The following AGBL1 variants were observed in gnomAD, a reference collection of about 807,000 sequenced individuals.
AGBL1 encodes cytosolic carboxypeptidase 4.
A neutral mutation model predicts 118.9 loss-of-function variants in AGBL1; 130 were observed. The ratio of observed to expected loss-of-function variants is 1.09; its 90% CI spans 0.95 to 1.26. AGBL1 has a LOEUF of 1.26. AGBL1 is among the 50% of genes most tolerant of loss of function. The pLI is 0.00. For missense variants in AGBL1, 1,584 were observed against 1,298.1 expected (o/e 1.22, Z -3.38); for synonymous variants, 555 against 478.9 (o/e 1.16, Z -2.08).
At chr15:86,317,235 C>T (rs2080026584) in intron 17 of AGBL1, 1 of 152,168 alleles carries the variant, frequency 6.6e-6, no homozygotes, top group Admixed American at 6.5e-5. Flanking sequence ...TCATCTGTTT[C>T]CATAGCAACC....
At chr15:86,402,083 A>G (rs1047250537) in intron 18 of AGBL1, among the ~76,000 whole-genome samples, 4 of 151,704 alleles carry the variant, frequency 2.6e-5, no homozygotes, top group African/African-American at 9.7e-5. Context: ...GTCCATGAGC[A>G]TGGGATGTGT....
At chr15:86,964,993 G>T (rs2081034925) in intron 23 of AGBL1, among the ~76,000 whole-genome samples, 1 of 152,058 alleles carries the variant, frequency 6.6e-6, no homozygotes, top group Non-Finnish European at 1.5e-5. Context: ...AGTATTCCGT[G>T]GTGTATATGT....
intron 21 of AGBL1, among the ~76,000 whole-genome samples, chr15:86,609,255 G>C (rs1287549116): frequency 6.6e-6 from 1 of 152,146 alleles, no homozygotes; most frequent in Admixed American, 6.6e-5. Flanking sequence ...AGTAGGAAGA[G>C]ATGGAAAGAG....
intron 22 of AGBL1, among the ~76,000 whole-genome samples, chr15:86,785,145 G>A (rs1047948963): frequency 1.3e-5 from 2 of 152,020 alleles, no homozygotes; most frequent in African/African-American, 2.4e-5. Flanking sequence ...AAGCTAAGGA[G>A]GAATAGGAGA....
intron 21 of AGBL1, among the ~76,000 whole-genome samples, chr15:86,666,014 C>A (rs769320942): frequency 6.6e-6 from 1 of 152,090 alleles, no homozygotes; most frequent in African/African-American, 2.4e-5. Context: ...AAGGGAAAAC[C>A]CTCATTAATA....
intron 1 of AGBL1, among the ~76,000 whole-genome samples, chr15:86,132,001 C>T (rs944710653): frequency 1.3e-5 from 2 of 151,932 alleles, no homozygotes; most frequent in African/African-American, 4.8e-5. Flanking sequence ...AGTTCATATC[C>T]TGATGCCTAT....
intron 1 of AGBL1, among the ~76,000 whole-genome samples, chr15:86,093,610 T>C (rs1896170218): frequency 6.6e-6 from 1 of 152,138 alleles, no homozygotes; most frequent in African/African-American, 2.4e-5. Context: ...TAGAAGTTCT[T>C]GAACTAAAAA....
intron 5 of AGBL1, among the ~76,000 whole-genome samples, chr15:86,191,190 C>G (rs1405505846): frequency 2.7e-5 from 4 of 150,514 alleles, no homozygotes; most frequent in African/African-American, 9.8e-5. Context: ...ACTAAAAATA[C>G]AAAAAAAATT....
chr15:86,958,656 G>A (rs2080958253), intron 23 of AGBL1, among the ~76,000 whole-genome samples: 2 of 152,062 alleles, frequency 1.3e-5, no homozygotes, highest in Admixed American at 6.6e-5. Flanking sequence ...AAAAGCTAAA[G>A]CAATATATAA....
At chr15:86,791,169 T>C (rs1434662477) in intron 22 of AGBL1, among the ~76,000 whole-genome samples, 1 of 152,202 alleles carries the variant, frequency 6.6e-6, no homozygotes. Flanking sequence ...TCCCAGTTAG[T>C]TACCATTAGA....
At chr15:86,461,252 A>G (rs1221371065) in intron 18 of AGBL1, among the ~76,000 whole-genome samples, 1 of 152,202 alleles carries the variant, frequency 6.6e-6, no homozygotes, top group African/African-American at 2.4e-5. Context: ...CCACTCTACT[A>G]GTTTTTAGGA....
At chr15:86,169,343 G>T (rs752550743) in intron 5 of AGBL1, among the ~76,000 whole-genome samples, 4 of 152,190 alleles carry the variant, frequency 2.6e-5, no homozygotes, top group Non-Finnish European at 5.9e-5. Context: ...TGCAGGAAAT[G>T]GAGGGAACAA....
chr15:86,577,576 G>C (rs1326767278), intron 21 of AGBL1, among the ~76,000 whole-genome samples: 3 of 152,146 alleles, frequency 2.0e-5, no homozygotes, highest in East Asian at 3.9e-4. Context: ...ATGTCTCCAG[G>C]GCATGTCAGA....
At chr15:86,759,138 A>G (rs748329616) in intron 22 of AGBL1, among the ~76,000 whole-genome samples, 3 of 152,086 alleles carry the variant, frequency 2.0e-5, no homozygotes, top group Admixed American at 6.6e-5. Flanking sequence ...TCTGTATTTA[A>G]TACAAAATCT....
At chr15:86,343,239 AT>A (rs1567208730) in intron 17 of AGBL1, among the ~76,000 whole-genome samples, 1 of 152,208 alleles carries the variant, frequency 6.6e-6, no homozygotes, top group Non-Finnish European at 1.5e-5. Flanking sequence ...ATGGAAGATA[AT>A]ACAAAAGATT....
chr15:86,893,459 T>C (rs2080079513), intron 22 of AGBL1, among the ~76,000 whole-genome samples: 3 of 152,212 alleles, frequency 2.0e-5, no homozygotes, highest in African/African-American at 7.2e-5. Flanking sequence ...TAGGAAGCTG[T>C]CTTTTCCCAA....
intron 24 of AGBL1, among the ~76,000 whole-genome samples, chr15:87,001,299 C>T (rs1050274161): frequency 1.3e-5 from 2 of 151,752 alleles, no homozygotes; most frequent in African/African-American, 4.8e-5. Flanking sequence ...GCATCCCTGT[C>T]TTGTGCCAGA....
At chr15:86,080,282 G>A (rs950993352) in intron 1 of AGBL1, 8 of 334,058 alleles carry the variant, frequency 2.4e-5, no homozygotes, top group African/African-American at 6.3e-5. Flanking sequence ...TAAAAGATCC[G>A]AGTTTTCTAG....
At chr15:86,451,065 A>T (rs1463107882) in intron 18 of AGBL1, among the ~76,000 whole-genome samples, 1 of 152,232 alleles carries the variant, frequency 6.6e-6, no homozygotes, top group East Asian at 1.9e-4. Flanking sequence ...ATGTACAGAC[A>T]TACTCAAAAG....
Sources: allele counts gnomAD v4.1 joint callset (sites outside exome capture counted in the v4.1 genomes callset), GRCh38; gene constraint gnomAD v4.1.1; transcripts MANE v1.5; gene names NCBI Gene and HGNC (gene_info 2026-07-23, HGNC 2026-07-21).